ACYP2: variants seen among roughly 807,000 people sequenced by gnomAD.
ACYP2 encodes the protein acylphosphatase-2.
Under a neutral mutation model 11.2 loss-of-function variants are expected in ACYP2, and 12 were observed. The observed-to-expected ratio is 1.08, with a 90% confidence interval of 0.69 to 1.74. The LOEUF is 1.74. ACYP2 is among the 40% of genes most tolerant of loss of function. The probability of loss-of-function intolerance (pLI) is 0.00; values close to 1 mark genes in which losing one functional copy is unlikely to be tolerated. For missense variants in ACYP2, 134 were observed against 101.9 expected (o/e 1.31, Z -1.35); for synonymous variants, 43 against 32.2 (o/e 1.33, Z -1.13).
intron 6 of ACYP2, among the ~76,000 whole-genome samples, chr2:54,144,673 C>CAAAAA (rs60045228): frequency 8.8e-6 from 1 of 113,242 alleles, no homozygotes; most frequent in Non-Finnish European, 1.8e-5. Flanking sequence ...GACTCTGTCT[C>CAAAAA]AAAAAAAAAA....
chr2:54,124,926 A>C (rs1259304156), intron 4 of ACYP2, among the ~76,000 whole-genome samples: 2 of 151,818 alleles, frequency 1.3e-5, no homozygotes, highest in African/African-American at 4.8e-5. Context: ...TTTTGTATTC[A>C]TATTTTTTGT....
At chr2:54,276,662 CCA>C (rs1553405194) in intron 6 of ACYP2, among the ~76,000 whole-genome samples, 7 of 132,164 alleles carry the variant, frequency 5.3e-5, no homozygotes, top group African/African-American at 9.6e-5. Context: ...CACACACACA[CCA>C]CACACAAGAA....
In ACYP2 at chr2:54,254,926, C is replaced by T. The variant is rs955955546; in HGVS notation, c.405-49762C>T. Reference sequence around the variant, plus strand: ...TAATTCCAAAGGCAAAGGTTAACCACACTGGAACCCAAAGGGCCTGGGGAT... The same window carrying T: ...TAATTCCAAAGGCAAAGGTTAACCATACTGGAACCCAAAGGGCCTGGGGAT... On this transcript the variant is annotated intron_variant, in intron 6 of 6. Coordinates refer to ENST00000607452, the MANE Select transcript of ACYP2 (RefSeq NM_001320586.2). 1.6e-5 allele frequency: 26 copies of T among 1,609,936 alleles called. No homozygotes were observed. Among genetic ancestry groups the T allele is most frequent in the African/African-American group, 1.3e-4 (10 of 74,758 alleles).
At chr2:54,020,766 CTTATT>C (rs1204864962) in intron 2 of ACYP2, among the ~76,000 whole-genome samples, 2 of 152,088 alleles carry the variant, frequency 1.3e-5, no homozygotes, top group Non-Finnish European at 2.9e-5. Flanking sequence ...TTTTGGAGCT[CTTATT>C]TTGTTTCTTG....
At chr2:54,070,918 G>A (rs746831536) in intron 4 of ACYP2, among the ~76,000 whole-genome samples, 25 of 151,700 alleles carry the variant, frequency 1.6e-4, no homozygotes, top group Non-Finnish European at 3.4e-4. Flanking sequence ...TTGTTTGTTT[G>A]TTTGTTTGTT....
chr2:54,266,116 A>T (rs966347227), intron 6 of ACYP2, among the ~76,000 whole-genome samples: 39 of 152,256 alleles, frequency 2.6e-4, no homozygotes, highest in African/African-American at 8.4e-4. Context: ...CAAAAAGGAA[A>T]TAAATAAATT....
At chr2:54,221,249 A>G (rs545034963) in intron 6 of ACYP2, among the ~76,000 whole-genome samples, 1 of 152,330 alleles carries the variant, frequency 6.6e-6, no homozygotes, top group African/African-American at 2.4e-5. Context: ...ACTTGTGAGC[A>G]TGAAAATAAA....
At chr2:54,025,742 G>C (rs1385713607) in intron 2 of ACYP2, among the ~76,000 whole-genome samples, 1 of 152,150 alleles carries the variant, frequency 6.6e-6, no homozygotes, top group Non-Finnish European at 1.5e-5. Context: ...AAGATAAATA[G>C]ATGGGACTTA....
rs985206920 is a variant in ACYP2 at position 54,304,755 on chromosome 2, A to G, written c.472A>G (p.Lys158Glu). The change falls in exon 7 of 7, where the codon AAA becomes GAA. Residue 158 changes from lysine (K) to glutamate (E), a missense_variant. Transcript: ENST00000607452. ...TGACCGCACAAACTTTTCTAATGAA[A>G]AAACCATCTCTAAGCTTGAATACTC... 6.2e-7 allele frequency: 1 copy of G among 1,612,028 alleles called. No homozygotes were observed. The highest frequency in any genetic ancestry group is 8.5e-7 in the Non-Finnish European group (1 of 1,179,616).
chr2:54,026,336 A>G (rs1674285251), intron 2 of ACYP2, among the ~76,000 whole-genome samples: 1 of 152,194 alleles, frequency 6.6e-6, no homozygotes, highest in Non-Finnish European at 1.5e-5. Context: ...ATCACTAATT[A>G]TTGGTGAAAT....
At chr2:54,131,251 A>G (rs1261729857) in intron 4 of ACYP2, among the ~76,000 whole-genome samples, 2 of 152,224 alleles carry the variant, frequency 1.3e-5, no homozygotes, top group African/African-American at 2.4e-5. Context: ...GGAGCAGGTA[A>G]TTTCCTTAAC....
In ACYP2 at chr2:54,015,655, A is replaced by T. The variant is rs1461735268; in HGVS notation, c.63-35303A>T. 8.6e-3 allele frequency among the ~76,000 whole-genome samples: 1,258 copies of T among 146,116 alleles called. 19 individuals are homozygous for T. The highest frequency in any genetic ancestry group is 0.029 in the African/African-American group (1,094 of 37,306). On this transcript the variant is annotated intron_variant, in intron 2 of 6. Transcript: ENST00000607452. ...CAGAGTGAGACCCCGTCACACACAC[A>T]CACACACACACACACACACACACAC...
chr2:54,148,562 A>G (rs1358417331), intron 6 of ACYP2, among the ~76,000 whole-genome samples: 1 of 152,180 alleles, frequency 6.6e-6, no homozygotes, highest in Non-Finnish European at 1.5e-5. Context: ...AGATGCCACT[A>G]GGCTCCTAGA....
At chr2:54,201,803 G>C (rs1684846268) in intron 6 of ACYP2, among the ~76,000 whole-genome samples, 1 of 151,148 alleles carries the variant, frequency 6.6e-6, no homozygotes, top group African/African-American at 2.4e-5. Flanking sequence ...CCACCTTCCA[G>C]GTTCAAGCAA....
intron 6 of ACYP2, among the ~76,000 whole-genome samples, chr2:54,211,587 ATGTT>A (rs1685332539): frequency 6.6e-6 from 1 of 152,280 alleles, no homozygotes; most frequent in South Asian, 2.1e-4. Context: ...TGTCAGTTCT[ATGTT>A]TGAGCATATA....
At chr2:54,230,529 G>C (rs1003315947) in intron 6 of ACYP2, among the ~76,000 whole-genome samples, 4 of 151,934 alleles carry the variant, frequency 2.6e-5, no homozygotes, top group African/African-American at 9.7e-5. Flanking sequence ...GCCACACCCG[G>C]CTAATTTTGT....
intron 4 of ACYP2, among the ~76,000 whole-genome samples, chr2:54,071,879 C>T (rs367814086): frequency 1.2e-4 from 18 of 152,146 alleles, no homozygotes; most frequent in East Asian, 9.6e-4. Context: ...GGCATGGTGG[C>T]GCGCACCTGT....
At chr2:54,247,239 T>C (rs1445071485) in intron 6 of ACYP2, among the ~76,000 whole-genome samples, 1 of 152,188 alleles carries the variant, frequency 6.6e-6, no homozygotes, top group East Asian at 1.9e-4. Flanking sequence ...TTCACGTGTA[T>C]TGCTTGGCTG....
intron 4 of ACYP2, among the ~76,000 whole-genome samples, chr2:54,078,707 C>G (rs775449739): frequency 1.3e-5 from 2 of 151,466 alleles, no homozygotes; most frequent in Admixed American, 6.6e-5. Flanking sequence ...TCAAGCAATT[C>G]TCCTGCCTCC....
Sources: gnomAD v4.1 joint callset for allele counts (sites outside exome capture counted in the v4.1 genomes callset) on GRCh38, gnomAD v4.1.1 for gene constraint, MANE v1.5 for transcripts, NCBI Gene and HGNC (gene_info 2026-07-23, HGNC 2026-07-21) for gene names.